TMEM260: variants seen among roughly 807,000 people sequenced by gnomAD.
The protein encoded by TMEM260 is protein O-mannosyl-transferase TMEM260.
A neutral mutation model predicts 88.9 loss-of-function variants in TMEM260; 82 were observed. The observed-to-expected ratio is 0.92, with a 90% CI of 0.77 to 1.11. TMEM260 has a LOEUF of 1.11. Among genes scored for constraint, TMEM260 ranks in the 50% least tolerant of loss-of-function variants. The pLI is 0.00. For synonymous variants in TMEM260, 314 were observed against 309.3 expected (o/e 1.02, Z -0.16); for missense variants, 902 against 853.4 (o/e 1.06, Z -0.71).
At chr14:56,653,690 G>A (rs572593253), downstream of TMEM260, among the ~76,000 whole-genome samples, 3 of 128,916 alleles carry the variant, frequency 2.3e-5, no homozygotes, top group Non-Finnish European at 3.1e-5. Context: ...AGCCGAGATC[G>A]CGCCACTGCA....
rs1436348336 is a variant in TMEM260 at position 56,621,820 on chromosome 14, AATAT to A, written c.1398+123_1398+126del. 50 of 759,052 alleles carry A rather than the reference AATAT, an allele frequency of 6.6e-5. 1 individual carries two copies. In the South Asian group the frequency reaches 1.2e-3, roughly 19 times the overall value. The allele number at this position is 759,052 out of a possible 1,614,324, so 47.0% of individuals were successfully genotyped here. ...AGTTTTCATGATCACTGTTAGGTAG[AATAT>A]ATATGACATTCTACATGTTAGGTAG... On this transcript the variant is annotated intron_variant, in intron 11 of 15. Coordinates refer to ENST00000261556, the MANE Select transcript of TMEM260 (RefSeq NM_017799.4).
At chr14:56,635,828 CAA>C (rs1235076516) in intron 14 of TMEM260, among the ~76,000 whole-genome samples, 1 of 144,768 alleles carries the variant, frequency 6.9e-6, no homozygotes, top group African/African-American at 2.6e-5. Context: ...AATACAGCTG[CAA>C]AATAATGATT....
At chr14:56,610,473 A>C (rs1566547516) in intron 6 of TMEM260, among the ~76,000 whole-genome samples, 1 of 151,920 alleles carries the variant, frequency 6.6e-6, no homozygotes. Context: ...CGATCTCCTG[A>C]CCTCGTGATC....
downstream of TMEM260, among the ~76,000 whole-genome samples, chr14:56,653,844 C>G (rs541568527): frequency 6.0e-5 from 9 of 151,210 alleles, no homozygotes; most frequent in Non-Finnish European, 1.3e-4. Flanking sequence ...GACATCTATA[C>G]TAAACAAGTG....
At chr14:56,596,423 T>C (rs201727738) in intron 3 of TMEM260, among the ~76,000 whole-genome samples, 5,370 of 139,090 alleles carry the variant, frequency 0.039, 112 homozygotes, top group South Asian at 0.089. Context: ...TATATATATA[T>C]ATACATACAC....
chr14:56,636,671 G>C, intron 15 of TMEM260, 73 bp downstream of exon 15: 2 of 1,296,572 alleles, frequency 1.5e-6, no homozygotes, highest in South Asian at 1.2e-5. Flanking sequence ...AGAATGGATA[G>C]AGGGTATATC....
chr14:56,608,400 G>A (rs1333492921), intron 5 of TMEM260, among the ~76,000 whole-genome samples: 1 of 152,084 alleles, frequency 6.6e-6, no homozygotes. Context: ...TATTATTTTG[G>A]ATTTAATATT....
chr14:56,592,951 T>A (rs577105676), intron 3 of TMEM260, among the ~76,000 whole-genome samples: 1 of 152,350 alleles, frequency 6.6e-6, no homozygotes, highest in Non-Finnish European at 1.5e-5. Flanking sequence ...TCGGAAAGAA[T>A]TTCAGGTTTC....
intron 3 of TMEM260, among the ~76,000 whole-genome samples, chr14:56,589,189 T>TGTATAAAAATTCTTTACCTCG: frequency 6.6e-6 from 1 of 152,152 alleles, no homozygotes; most frequent in Non-Finnish European, 1.5e-5. Context: ...TTGATAGCAT[T>TGTATAAAAATTCTTTACCTCG]GTATAAAAAT....
chr14:56,584,917 C>A, intron 1 of TMEM260, 84 bp from the exon 2 acceptor site: 1 of 1,079,500 alleles, frequency 9.3e-7, no homozygotes, highest in Non-Finnish European at 1.4e-6. Flanking sequence ...TGCAAAACCC[C>A]AATGCAAGCA....
At position 56,602,060 on chromosome 14, in the gene TMEM260, CTTTAA is replaced by C. The variant is rs375884629; in HGVS notation, c.345-1751_345-1747del. Among the ~76,000 whole-genome samples the C allele has an allele frequency of 4.2e-4, 64 of 152,166 alleles. No individual in the cohort carries two copies. In the East Asian group the frequency reaches 0.01, roughly 25 times the overall value. On this transcript the variant is annotated intron_variant, in intron 3 of 15. Transcript: ENST00000261556. ...AGTTCCTTTATAAATGTTAGAAATA[CTTTAA>C]TTTGTTCTTTCATTCAGTAAGTTTC...
chr14:56,628,472 C>T (rs926851278), intron 12 of TMEM260, among the ~76,000 whole-genome samples: 1 of 152,092 alleles, frequency 6.6e-6, no homozygotes, highest in Non-Finnish European at 1.5e-5. Context: ...AACTCTTTGC[C>T]TAATGCCAGA....
chr14:56,636,700 TTTTA>T, intron 15 of TMEM260, 102 bp downstream of exon 15: 1 of 1,030,654 alleles, frequency 9.7e-7, no homozygotes, highest in African/African-American at 1.6e-5. Context: ...ATTTTTATTA[TTTTA>T]TTTCTCTCAA....
intron 3 of TMEM260, among the ~76,000 whole-genome samples, chr14:56,600,771 C>T (rs1412792002): frequency 6.6e-6 from 1 of 152,190 alleles, no homozygotes; most frequent in Admixed American, 6.5e-5. Context: ...GTGTGCAGTA[C>T]ATTAGGACAC....
chr14:56,608,524 A>G (rs1366426849), intron 5 of TMEM260, among the ~76,000 whole-genome samples: 1 of 152,228 alleles, frequency 6.6e-6, no homozygotes, highest in Non-Finnish European at 1.5e-5. Context: ...TTTCTTTAAT[A>G]TTCTATCCTA....
chr14:56,648,208 A>AG lies in TMEM260; in HGVS notation c.*712dup, dbSNP rs1890086240. 6.6e-6 allele frequency: 1 copy of AG among 152,174 alleles called. No individual in the cohort carries two copies. The highest frequency in any genetic ancestry group is 2.1e-4 in the South Asian group (1 of 4,834). The allele number at this position is 152,174 out of a possible 1,614,324, so 9.4% of individuals were successfully genotyped here. A position where few individuals can be genotyped will look rare whatever the true frequency, so the allele number is the denominator to read the frequency against. ...TATTTCTATTTGGACTCAGAGATCT[A>AG]GACCCAATAATTAGTAGGCTCCTGC... On this transcript the variant is annotated 3_prime_UTR_variant, in exon 16 of 16. Coordinates refer to ENST00000261556, the MANE Select transcript of TMEM260 (RefSeq NM_017799.4).
intron 11 of TMEM260, among the ~76,000 whole-genome samples, chr14:56,624,793 A>G (rs1888139185): frequency 6.6e-6 from 1 of 151,928 alleles, no homozygotes; most frequent in Non-Finnish European, 1.5e-5. Context: ...CTGAAAGTTG[A>G]ATACACGTTC....
At chr14:56,616,152 T>A in intron 8 of TMEM260, 125 bp downstream of exon 8, 1 of 656,446 alleles carries the variant, frequency 1.5e-6, no homozygotes, top group Non-Finnish European at 2.7e-6. Flanking sequence ...CTCTCCTAGC[T>A]GTCTATTAAG....
chr14:56,596,794 A>AAAT (rs59623466), intron 3 of TMEM260, among the ~76,000 whole-genome samples: 84 of 136,296 alleles, frequency 6.2e-4, no homozygotes, highest in African/African-American at 2.0e-3. Flanking sequence ...TAAAAAAAAA[A>AAAT]ATATATATAT....
Sources: gnomAD v4.1 joint callset for allele counts (sites outside exome capture counted in the v4.1 genomes callset) on GRCh38, gnomAD v4.1.1 for gene constraint, MANE v1.5 for transcripts, NCBI Gene and HGNC (gene_info 2026-07-23, HGNC 2026-07-21) for gene names.